PRKN: variants seen among roughly 807,000 people sequenced by gnomAD.
The protein encoded by PRKN is parkin RBR E3 ubiquitin protein ligase.
A neutral mutation model predicts 59.5 loss-of-function variants in PRKN; 56 were observed. The ratio of observed to expected loss-of-function variants is 0.94; its 90% CI spans 0.76 to 1.18. PRKN has a LOEUF of 1.18. Ranked by LOEUF, PRKN falls within the 50% of genes most tolerant of loss-of-function variation. The pLI is 0.00. For synonymous variants in PRKN, 250 were observed against 222.1 expected (o/e 1.13, Z -1.12); for missense variants, 657 against 596.4 (o/e 1.10, Z -1.06).
chr6:162,656,922 T>G (rs752174635), intron 1 of PRKN, among the ~76,000 whole-genome samples: 3 of 152,200 alleles, frequency 2.0e-5, no homozygotes, highest in African/African-American at 4.8e-5. Flanking sequence ...AGTTAGGAGC[T>G]TTCCTCTTCT....
intron 1 of PRKN, chr6:162,568,767 A>C: frequency 1.3e-6 from 1 of 742,574 alleles, no homozygotes; most frequent in Non-Finnish European, 2.5e-6. Context: ...GCAGCCGGAC[A>C]CTCTGGTCCA....
In PRKN at chr6:161,349,367, T is replaced by C. The variant is rs1784434916; in HGVS notation, c.*732A>G. On this transcript the variant is annotated 3_prime_UTR_variant, in exon 12 of 12. Transcript: ENST00000366898. The surrounding 1 kb of genome is among the most constrained non-coding windows in gnomAD (Gnocchi z 5.5). ...TGAAAGGGAATGAAAGTACATTAAC[T>C]TGATTTCTTCCCTGTAATTCAAACA... is the stretch of plus-strand genomic sequence containing the variant. The C allele has an allele frequency of 4.3e-6, 1 of 230,876 alleles. No individual in the cohort carries two copies. The highest frequency in any genetic ancestry group is 2.2e-5 in the African/African-American group (1 of 45,256). 14.3% of individuals were successfully genotyped at this position (230,876 alleles called of 1,614,324 possible).
At chr6:161,670,869 C>T (rs1190759605) in intron 7 of PRKN, among the ~76,000 whole-genome samples, 1 of 152,034 alleles carries the variant, frequency 6.6e-6, no homozygotes, top group African/African-American at 2.4e-5. Context: ...TTTTGACCCA[C>T]CAAATCCAGT....
chr6:161,733,092 C>T (rs1787790779), intron 7 of PRKN, among the ~76,000 whole-genome samples: 1 of 152,162 alleles, frequency 6.6e-6, no homozygotes, highest in Non-Finnish European at 1.5e-5. Context: ...ACACTTATTT[C>T]ATGCTACTGG....
At chr6:161,842,081 G>GT (rs1481943441) in intron 6 of PRKN, among the ~76,000 whole-genome samples, 2 of 152,116 alleles carry the variant, frequency 1.3e-5, no homozygotes, top group African/African-American at 4.8e-5. Flanking sequence ...ACAACAAGAT[G>GT]TAAGGAGCAC....
chr6:161,609,365 A>G (rs1393283504), intron 7 of PRKN, among the ~76,000 whole-genome samples: 2 of 152,142 alleles, frequency 1.3e-5, no homozygotes, highest in Non-Finnish European at 2.9e-5. Flanking sequence ...TTCAGAGTTC[A>G]TTAACAGTGT....
chr6:161,746,485 A>G (rs1788418810), intron 7 of PRKN, among the ~76,000 whole-genome samples: 2 of 151,472 alleles, frequency 1.3e-5, no homozygotes, highest in South Asian at 4.2e-4. Context: ...CAAGTCAACA[A>G]GAACGGAGAA....
chr6:162,639,598 T>C (rs750790284), intron 1 of PRKN, among the ~76,000 whole-genome samples: 1 of 152,180 alleles, frequency 6.6e-6, no homozygotes, highest in Admixed American at 6.5e-5. Flanking sequence ...CATTCACCCC[T>C]TCTCCTACAA....
intron 1 of PRKN, among the ~76,000 whole-genome samples, chr6:162,550,121 T>C (rs1418936967): frequency 6.6e-6 from 1 of 152,228 alleles, no homozygotes; most frequent in Non-Finnish European, 1.5e-5. Context: ...AGGTTAAGGT[T>C]ACTCCAGTGA....
intron 1 of PRKN, among the ~76,000 whole-genome samples, chr6:162,638,739 CTTTTTTTTTT>C (rs370517141): frequency 1.0e-5 from 1 of 99,656 alleles, no homozygotes; most frequent in Non-Finnish European, 1.9e-5. Flanking sequence ...CTAACTATCC[CTTTTTTTTTT>C]TTTTTTTTTT....
intron 2 of PRKN, among the ~76,000 whole-genome samples, chr6:162,340,282 C>G (rs796282535): frequency 6.6e-6 from 1 of 152,086 alleles, no homozygotes. Flanking sequence ...GGATATAACA[C>G]TTGAATAGGA....
At chr6:162,481,025 T>A (rs1240256320) in intron 1 of PRKN, among the ~76,000 whole-genome samples, 1 of 151,926 alleles carries the variant, frequency 6.6e-6, no homozygotes, top group African/African-American at 2.4e-5. Flanking sequence ...AGTTTTGCCA[T>A]GTTGGCCAGC....
chr6:162,357,382 T>C (rs1038703929), intron 2 of PRKN, among the ~76,000 whole-genome samples: 13 of 152,224 alleles, frequency 8.5e-5, no homozygotes, highest in African/African-American at 3.1e-4. Context: ...AGTAAGCATA[T>C]TAAAAGATGC....
chr6:162,520,484 T>C (rs1334157496), intron 1 of PRKN, among the ~76,000 whole-genome samples: 1 of 152,216 alleles, frequency 6.6e-6, no homozygotes, highest in African/African-American at 2.4e-5. Flanking sequence ...GCCCAAGTGC[T>C]GCTATTCTCT....
chr6:161,830,144 C>A (rs750837351), intron 6 of PRKN, among the ~76,000 whole-genome samples: 4 of 152,292 alleles, frequency 2.6e-5, no homozygotes, highest in Admixed American at 6.5e-5. Context: ...TTGCCCAAAA[C>A]CATGCCCCAC....
At chr6:161,507,032 G>A (rs1778199170) in intron 9 of PRKN, among the ~76,000 whole-genome samples, 1 of 152,204 alleles carries the variant, frequency 6.6e-6, no homozygotes, top group Non-Finnish European at 1.5e-5. Flanking sequence ...CAGCTCCCAG[G>A]AGTGGGTCTC....
intron 2 of PRKN, among the ~76,000 whole-genome samples, chr6:162,405,319 G>C (rs1435244018): frequency 1.3e-5 from 2 of 152,180 alleles, no homozygotes; most frequent in Non-Finnish European, 2.9e-5. Flanking sequence ...CAGTCACAGA[G>C]ACCAAGCATC....
intron 4 of PRKN, among the ~76,000 whole-genome samples, chr6:162,154,844 GATACACAT>G (rs1782435203): frequency 6.6e-6 from 1 of 151,492 alleles, no homozygotes; most frequent in Admixed American, 6.6e-5. Flanking sequence ...ATGAAAACTT[GATACACAT>G]ATATTTTCTT....
At chr6:162,568,953 G>A (rs1780200768) in intron 1 of PRKN, 1 of 665,614 alleles carries the variant, frequency 1.5e-6, no homozygotes, top group Admixed American at 2.0e-5. Flanking sequence ...GTCTCAGCTG[G>A]AAGGGCTGGC....
Sources: gnomAD v4.1 joint callset for allele counts (sites outside exome capture counted in the v4.1 genomes callset) on GRCh38, gnomAD v4.1.1 for gene constraint, Gnocchi (gnomAD v3.1) non-coding constraint, MANE v1.5 for transcripts, NCBI Gene and HGNC (gene_info 2026-07-23, HGNC 2026-07-21) for gene names.